SMARCAD1: variants seen among roughly 807,000 people sequenced by gnomAD.
SMARCAD1 encodes SNF2 related chromatin remodeling ATPase with DExD box 1.
In SMARCAD1, 25 loss-of-function variants were observed where a neutral mutation model predicts 127.1. That is an observed-to-expected ratio of 0.20 (90% CI 0.14 to 0.27). The LOEUF (loss-of-function observed/expected upper bound fraction) is 0.27, where lower values mean the gene tolerates loss of function less well. Ranked by LOEUF, SMARCAD1 falls within the 10% of genes least tolerant of loss-of-function variation. SMARCAD1 has a pLI of 1.00. For missense variants in SMARCAD1, 807 were observed against 1,206.0 expected (o/e 0.67, Z 4.90); for synonymous variants, 400 against 396.9 (o/e 1.01, Z -0.09).
At chr4:94,239,382 C>T (rs1326127798) in intron 5 of SMARCAD1, among the ~76,000 whole-genome samples, 6 of 151,848 alleles carry the variant, frequency 4.0e-5, no homozygotes, top group African/African-American at 1.5e-4. Flanking sequence ...TCTTAACAGA[C>T]AGTATCATCC....
chr4:94,271,502 ACT>A (rs1249494368), intron 11 of SMARCAD1, among the ~76,000 whole-genome samples: 12 of 152,204 alleles, frequency 7.9e-5, no homozygotes, highest in African/African-American at 2.9e-4. Context: ...AAAATGTTAC[ACT>A]GTGTGTTGGA....
chr4:94,208,136 A>G (rs1024342234), intron 1 of SMARCAD1, 66 bp downstream of exon 1: 9 of 608,184 alleles, frequency 1.5e-5, no homozygotes, highest in South Asian at 3.0e-5. Flanking sequence ...GGGGAGGCGG[A>G]CGAAGGGGAG....
chr4:94,286,463 G>A (rs1029837708), intron 23 of SMARCAD1, among the ~76,000 whole-genome samples: 1 of 152,178 alleles, frequency 6.6e-6, no homozygotes, highest in African/African-American at 2.4e-5. Context: ...AGAAGGGTAA[G>A]GATTCTGGGT....
chr4:94,227,313 G>C (rs985719823), intron 3 of SMARCAD1, among the ~76,000 whole-genome samples: 1 of 152,122 alleles, frequency 6.6e-6, no homozygotes, highest in African/African-American at 2.4e-5. Flanking sequence ...TTTTTATTCT[G>C]ACTGAGATGG....
intron 3 of SMARCAD1, among the ~76,000 whole-genome samples, chr4:94,230,614 C>G (rs1266645045): frequency 6.6e-6 from 1 of 152,114 alleles, no homozygotes; most frequent in Non-Finnish European, 1.5e-5. Flanking sequence ...CCAGCAGATG[C>G]CAGTAGCATT....
chr4:94,232,216 T>C (rs1256300751), intron 3 of SMARCAD1, among the ~76,000 whole-genome samples: 1 of 152,172 alleles, frequency 6.6e-6, no homozygotes, highest in Non-Finnish European at 1.5e-5. Context: ...GTATTTCCTG[T>C]AGTCTGGAAG....
At chr4:94,288,397 C>CATTCTTCCTAACATAGTATCAGTTTAT in intron 23 of SMARCAD1, among the ~76,000 whole-genome samples, 1 of 152,170 alleles carries the variant, frequency 6.6e-6, no homozygotes, top group East Asian at 1.9e-4. Flanking sequence ...CTTCTCCCTG[C>CATTCTTCCTAACATAGTATCAGTTTAT]ATTCTTCCTA....
intron 6 of SMARCAD1, among the ~76,000 whole-genome samples, chr4:94,241,260 T>C (rs777749654): frequency 9.9e-5 from 15 of 152,260 alleles, no homozygotes; most frequent in Non-Finnish European, 1.8e-4. Context: ...AATCATTCTT[T>C]CTTTTCTTTC....
intron 10 of SMARCAD1, among the ~76,000 whole-genome samples, 162 bp downstream of exon 10, chr4:94,265,068 A>G (rs535813400): frequency 3.3e-5 from 5 of 152,004 alleles, no homozygotes; most frequent in East Asian, 1.9e-4. Context: ...ACTGTTTTTC[A>G]TTGATTTCCC....
At chr4:94,228,458 C>A (rs1443714515) in intron 3 of SMARCAD1, among the ~76,000 whole-genome samples, 2 of 152,066 alleles carry the variant, frequency 1.3e-5, no homozygotes, top group Non-Finnish European at 2.9e-5. Flanking sequence ...CCCAGAAATA[C>A]CAATTAACAC....
chr4:94,236,725 A>G (rs1746714474), intron 4 of SMARCAD1, among the ~76,000 whole-genome samples: 2 of 152,192 alleles, frequency 1.3e-5, no homozygotes, highest in Non-Finnish European at 2.9e-5. Context: ...TTTCCTTTAT[A>G]GTAAGAATGA....
chr4:94,242,758 A>ATT (rs1220790505), intron 6 of SMARCAD1, among the ~76,000 whole-genome samples: 1 of 150,266 alleles, frequency 6.7e-6, no homozygotes, highest in Admixed American at 6.6e-5. Context: ...AAAAAAAAAA[A>ATT]TTTTTTTAAT....
chr4:94,265,743 T>C (rs961272236), intron 10 of SMARCAD1, among the ~76,000 whole-genome samples: 4 of 151,904 alleles, frequency 2.6e-5, no homozygotes, highest in Admixed American at 6.6e-5. Flanking sequence ...GGCAAAACCA[T>C]GGAAACAAAT....
chr4:94,275,625 C>G (rs905265648), intron 14 of SMARCAD1, among the ~76,000 whole-genome samples: 1 of 151,954 alleles, frequency 6.6e-6, no homozygotes, highest in Non-Finnish European at 1.5e-5. Context: ...TGGATCTAAT[C>G]TGCTAGTTTA....
At chr4:94,270,118 A>G (rs952545621) in intron 10 of SMARCAD1, among the ~76,000 whole-genome samples, 25 of 151,602 alleles carry the variant, frequency 1.6e-4, no homozygotes, top group African/African-American at 5.6e-4. Context: ...TTGCTAAAAC[A>G]TCAGTGAACA....
At chr4:94,277,846 G>A (rs771494991) in intron 16 of SMARCAD1, among the ~76,000 whole-genome samples, 1 of 152,170 alleles carries the variant, frequency 6.6e-6, no homozygotes, top group African/African-American at 2.4e-5. Context: ...AATGTACAGT[G>A]TTTTAAATGG....
intron 3 of SMARCAD1, among the ~76,000 whole-genome samples, chr4:94,228,173 C>T (rs1019221819): frequency 6.6e-6 from 1 of 151,994 alleles, no homozygotes; most frequent in African/African-American, 2.4e-5. Context: ...GAAATGTACT[C>T]CAAGATAAAA....
Position 94,280,318 on chromosome 4 carries a change from A to G in SMARCAD1, c.2419-274A>G, listed in dbSNP as rs567452473. Among the ~76,000 whole-genome samples, 95 of 152,244 alleles carry G rather than the reference A, an allele frequency of 6.2e-4. 2 individuals carry two copies. In the South Asian group the frequency reaches 0.019, roughly 31 times the overall value. On this transcript the variant is annotated intron_variant, in intron 19 of 23. Transcript: ENST00000354268. ...TAATAACACCACCCTTGTTTCATCT[A>G]TACCCCAGACTTCTCCCCAGGGTTA...
In SMARCAD1 at chr4:94,289,762, A is replaced by G. The variant is rs1252317575; in HGVS notation, c.*228A>G. 5 of 630,452 alleles carry G rather than the reference A, an allele frequency of 7.9e-6. No homozygotes were observed. Among genetic ancestry groups the G allele is most frequent in the Admixed American group, 2.1e-5 (1 of 47,880 alleles). The allele number at this position is 630,452 out of a possible 1,614,324, so 39.1% of individuals were successfully genotyped here. On this transcript the variant is annotated 3_prime_UTR_variant, in exon 24 of 24. Transcript: ENST00000354268. The stretch of plus-strand genomic sequence containing the variant: ...AAATATGTAGTTCTGAAGATGTTGA[A>G]TAATCATTTTACAAAGCAGTTTTCT...
Sources: gnomAD v4.1 joint callset for allele counts (sites outside exome capture counted in the v4.1 genomes callset) on GRCh38, gnomAD v4.1.1 for gene constraint, MANE v1.5 for transcripts, NCBI Gene and HGNC (gene_info 2026-07-23, HGNC 2026-07-21) for gene names.